SCARB1: variants seen among roughly 807,000 people sequenced by gnomAD.
SCARB1 encodes CD36 and LIMPII analogous 1.
A neutral mutation model predicts 57.2 loss-of-function variants in SCARB1; 30 were observed. The ratio of observed to expected loss-of-function variants is 0.52; its 90% confidence interval spans 0.39 to 0.71. The LOEUF (loss-of-function observed/expected upper bound fraction) is 0.71. SCARB1 is among the 30% of genes least tolerant of loss of function. The probability of loss-of-function intolerance (pLI) is 0.00; values close to 1 mark genes in which losing one functional copy is unlikely to be tolerated. For missense variants in SCARB1, 543 were observed against 671.2 expected, an observed-to-expected ratio of 0.81 and a Z score of 2.11; for synonymous variants, 249 against 268.3, an observed-to-expected ratio of 0.93 and a Z score of 0.70.
rs961177953 is a variant in SCARB1, at chr12:124,778,265, G to A, written c.*322C>T. The A allele has an allele frequency of 2.1e-5, 9 of 434,680 alleles. No homozygotes were observed. Among genetic ancestry groups the A allele is most frequent in the Admixed American group, 8.8e-5 (2 of 22,656 alleles). The allele number at this position is 434,680 out of a possible 1,614,324, so 26.9% of individuals were successfully genotyped here. On this transcript the variant is annotated 3_prime_UTR_variant, in exon 13 of 13. Coordinates refer to ENST00000261693, the MANE Select transcript of SCARB1 (RefSeq NM_005505.5). The stretch of plus-strand genomic sequence containing the variant: ...GCCAGGCTCACCCGAGGAAGGGGAC[G>A]CAGGACCCACAGCCCCTGTGGTCAG...
At chr12:124,802,149 CAAAA>C (rs10636464) in intron 7 of SCARB1, among the ~76,000 whole-genome samples, 2 of 111,824 alleles carry the variant, frequency 1.8e-5, no homozygotes, top group African/African-American at 6.8e-5. Context: ...GACTGTGTCT[CAAAA>C]AAAAAAAAAA....
intron 1 of SCARB1, among the ~76,000 whole-genome samples, chr12:124,859,864 A>T (rs1056490587): frequency 5.3e-5 from 8 of 152,220 alleles, no homozygotes; most frequent in Non-Finnish European, 1.2e-4. Context: ...GGTTTTTTTT[A>T]AACATAAATA....
intron 1 of SCARB1, among the ~76,000 whole-genome samples, chr12:124,838,593 A>C (rs934565705): frequency 6.6e-6 from 1 of 152,032 alleles, no homozygotes; most frequent in Non-Finnish European, 1.5e-5. Context: ...AGTCTTCTGC[A>C]ACAGGCTCAG....
chr12:124,838,640 G>A (rs1175282173), intron 1 of SCARB1, among the ~76,000 whole-genome samples: 2 of 152,072 alleles, frequency 1.3e-5, no homozygotes, highest in East Asian at 1.9e-4. Context: ...AGGCTGGGCC[G>A]TCTGGTCTAC....
intron 1 of SCARB1, among the ~76,000 whole-genome samples, chr12:124,848,326 C>T (rs1433479174): frequency 6.6e-6 from 1 of 152,262 alleles, no homozygotes; most frequent in Non-Finnish European, 1.5e-5. Context: ...TTGTGATCCA[C>T]CCGCCTCGGC....
At chr12:124,863,503 C>A in intron 1 of SCARB1, 92 bp downstream of exon 1, 1 of 1,394,750 alleles carries the variant, frequency 7.2e-7, no homozygotes, top group Non-Finnish European at 9.8e-7. Flanking sequence ...CCGCTGCGGT[C>A]GCCCACCCAC....
At chr12:124,795,089 C>T in intron 9 of SCARB1, 106 bp downstream of exon 9, 2 of 947,956 alleles carry the variant, frequency 2.1e-6, no homozygotes, top group South Asian at 2.6e-5. Context: ...CTCCCCTCCC[C>T]ATGCCCTGGT....
intron 12 of SCARB1, among the ~76,000 whole-genome samples, chr12:124,780,112 C>CCCT (rs766967334): frequency 7.0e-4 from 107 of 152,156 alleles, no homozygotes; most frequent in Non-Finnish European, 9.6e-4. Context: ...CTCCTCCTTC[C>CCCT]CCTCCTCCTC....
intron 1 of SCARB1, among the ~76,000 whole-genome samples, chr12:124,862,881 G>A (rs1349949802): frequency 6.6e-6 from 1 of 152,224 alleles, no homozygotes; most frequent in African/African-American, 2.4e-5. Flanking sequence ...TGCAAAGTTA[G>A]GATCAGAGGA....
chr12:124,834,403 G>T (rs1055445569), intron 1 of SCARB1, among the ~76,000 whole-genome samples: 5 of 152,246 alleles, frequency 3.3e-5, no homozygotes, highest in African/African-American at 9.6e-5. Context: ...AACCAACAAG[G>T]GGCTGAGGGT....
intron 1 of SCARB1, among the ~76,000 whole-genome samples, chr12:124,856,671 G>A (rs1369368839): frequency 6.6e-6 from 1 of 152,220 alleles, no homozygotes; most frequent in Non-Finnish European, 1.5e-5. Flanking sequence ...TCAGTTCTAG[G>A]GCTTTGCCCC....
At chr12:124,803,032 C>T (rs548706481) in intron 7 of SCARB1, among the ~76,000 whole-genome samples, 1 of 152,290 alleles carries the variant, frequency 6.6e-6, no homozygotes, top group African/African-American at 2.4e-5. Context: ...CACACAGCAA[C>T]GGAGAGGAGG....
intron 1 of SCARB1, among the ~76,000 whole-genome samples, chr12:124,850,299 G>A (rs188721570): frequency 1.0e-3 from 151 of 151,480 alleles, no homozygotes; most frequent in Middle Eastern, 3.5e-3. Flanking sequence ...CTTGAACCCG[G>A]GAGGCGGAGG....
rs61762484 is a variant in SCARB1, at chr12:124,800,305, C to G, written c.1010-63G>C. ...AGTATATTGGCAGGTCCTGCCAGGC[C>G]GGAGGTCTGCACAGAGCTGTGGTCT... On this transcript the variant is annotated intron_variant, in intron 7 of 12. Coordinates refer to ENST00000261693, the MANE Select transcript of SCARB1 (RefSeq NM_005505.5). The surrounding 1 kb of genome is among the most constrained non-coding windows in gnomAD (Gnocchi z 4.8). The G allele has an allele frequency of 1.6e-6, 2 of 1,266,450 alleles. No homozygotes were observed. The highest frequency in any genetic ancestry group is 2.3e-6 in the Non-Finnish European group (2 of 872,094). The allele number at this position is 1,266,450 out of a possible 1,614,324, so 78.5% of individuals were successfully genotyped here.
rs927602981 is a variant in SCARB1 at position 124,822,504 on chromosome 12, C to T, written c.127-4797G>A. Among the ~76,000 whole-genome samples, 4 of 152,154 alleles carry T rather than the reference C, an allele frequency of 2.6e-5. No homozygotes were observed. Among genetic ancestry groups the T allele is most frequent in the South Asian group, 2.1e-4 (1 of 4,828 alleles). On this transcript the variant is annotated intron_variant, in intron 1 of 12. Coordinates refer to ENST00000261693, the MANE Select transcript of SCARB1 (RefSeq NM_005505.5). The surrounding 1 kb of genome is among the most constrained non-coding windows in gnomAD (Gnocchi z 5.0). ...AGCCAGACCAGTGGCTGCCGGGGAC[C>T]GGGATGGAGGGAGGGGACTAACGTG...
intron 7 of SCARB1, among the ~76,000 whole-genome samples, chr12:124,803,709 AAAAAAAT>A (rs1682277654): frequency 6.9e-6 from 1 of 143,908 alleles, no homozygotes; most frequent in Non-Finnish European, 1.5e-5. Context: ...AAAAAAAAAA[AAAAAAAT>A]TGAAATAAGA....
At chr12:124,790,817 G>A (rs1247578376) in intron 9 of SCARB1, among the ~76,000 whole-genome samples, 1 of 152,236 alleles carries the variant, frequency 6.6e-6, no homozygotes, top group East Asian at 1.9e-4. Flanking sequence ...GTGCAGGCAC[G>A]TGCTCACGTG....
rs774364857 is a variant in SCARB1, at chr12:124,863,640, G to T, written c.81C>A (p.Val27=). The T allele has an allele frequency of 2.4e-5, 39 of 1,598,568 alleles. No individual in the cohort carries two copies. Among genetic ancestry groups the T allele is most frequent in the Non-Finnish European group, 3.2e-5 (37 of 1,173,096 alleles). ...AGLLCAVLGA[V]MIVMVPSLIK... Reference sequence around the variant, plus strand: ...TGAGCGACGGCACCATCACGATCATGACAGCGCCCAGCACAGCGCACAGTA... The same window carrying T: ...TGAGCGACGGCACCATCACGATCATTACAGCGCCCAGCACAGCGCACAGTA... The change falls in exon 1 of 13, where the codon GTC becomes GTA. Residue 27 remains valine (V), a synonymous_variant. Coordinates refer to ENST00000261693, the MANE Select transcript of SCARB1 (RefSeq NM_005505.5).
intron 9 of SCARB1, among the ~76,000 whole-genome samples, chr12:124,787,929 C>A (rs1352951838): frequency 6.6e-6 from 1 of 152,124 alleles, no homozygotes; most frequent in Non-Finnish European, 1.5e-5. Context: ...GTTCACATAA[C>A]TTTTATTATA....
Sources: allele counts gnomAD v4.1 joint callset (sites outside exome capture counted in the v4.1 genomes callset), GRCh38; gene constraint gnomAD v4.1.1; non-coding constraint Gnocchi (gnomAD v3.1); transcripts MANE v1.5; gene names NCBI Gene and HGNC (gene_info 2026-07-23, HGNC 2026-07-21).